Variants in ZNF385B observed in about 807,000 individuals in gnomAD.
ZNF385B encodes the protein zinc finger protein 533.
ZNF385B carries 23 observed loss-of-function variants against 39.2 expected under a neutral mutation model. That is an observed-to-expected ratio of 0.59 (90% CI 0.42 to 0.83). The LOEUF is 0.83. Ranked by LOEUF, ZNF385B falls within the 40% of genes least tolerant of loss-of-function variation. The pLI is 0.00. For missense variants in ZNF385B, 552 were observed against 598.9 expected, an observed-to-expected ratio of 0.92 and a Z score of 0.82; for synonymous variants, 205 against 222.6, an observed-to-expected ratio of 0.92 and a Z score of 0.70.
rs747336802 is a variant in ZNF385B at position 179,711,881 on chromosome 2, ATTT to A, written c.298+57619_298+57621del. On this transcript the variant is annotated intron_variant, in intron 3 of 9. Transcript: ENST00000410066. ...ACTGCAAAAATGCTATATAAACTGC[ATTT>A]TTTTTTTTTTTTTTTTTTTTTTTAC... 8.5e-3 allele frequency among the ~76,000 whole-genome samples: 775 copies of A among 90,882 alleles called. 11 individuals are homozygous for A. Among genetic ancestry groups the A allele is most frequent in the African/African-American group, 0.031 (708 of 22,696 alleles). The allele number at this position is 90,882 out of a possible 152,430, so 59.6% of individuals were successfully genotyped here.
intron 3 of ZNF385B, among the ~76,000 whole-genome samples, chr2:179,588,307 C>T (rs1055929879): frequency 6.6e-6 from 1 of 152,146 alleles, no homozygotes; most frequent in African/African-American, 2.4e-5. Flanking sequence ...CGAGCATGGT[C>T]TCAATCTCCT....
At chr2:179,577,795 T>C (rs1423654387) in intron 3 of ZNF385B, among the ~76,000 whole-genome samples, 1 of 15,758 alleles carries the variant, frequency 6.3e-5, no homozygotes, top group African/African-American at 1.6e-4. Flanking sequence ...GTTTGTGCTG[T>C]CTTTACTAAA....
chr2:179,543,977 C>T (rs2060077666), intron 4 of ZNF385B, among the ~76,000 whole-genome samples: 1 of 152,166 alleles, frequency 6.6e-6, no homozygotes, highest in South Asian at 2.1e-4. Flanking sequence ...ATTACAGCAG[C>T]ATTTACAATG....
intron 3 of ZNF385B, among the ~76,000 whole-genome samples, chr2:179,695,357 A>C (rs983478812): frequency 7.2e-5 from 11 of 152,162 alleles, no homozygotes; most frequent in African/African-American, 2.4e-4. Context: ...TCAAAACTAA[A>C]CAATGTTGTG....
intron 5 of ZNF385B, among the ~76,000 whole-genome samples, chr2:179,513,668 T>C (rs1240742812): frequency 2.6e-5 from 4 of 152,252 alleles, no homozygotes; most frequent in African/African-American, 9.6e-5. Flanking sequence ...CGGAGATGTT[T>C]ATATCCTATC....
chr2:179,723,777 C>T (rs1044259527), intron 3 of ZNF385B, among the ~76,000 whole-genome samples: 4 of 152,110 alleles, frequency 2.6e-5, no homozygotes, highest in East Asian at 1.9e-4. Context: ...TTCAAAGCTA[C>T]GTAAGTTTTT....
At chr2:179,839,949 G>A (rs140578581) in intron 1 of ZNF385B, among the ~76,000 whole-genome samples, 7 of 152,164 alleles carry the variant, frequency 4.6e-5, no homozygotes, top group African/African-American at 1.2e-4. Context: ...CCCATCTCCC[G>A]CCAACATTTC....
chr2:179,488,363 C>T (rs1459738382), intron 5 of ZNF385B, among the ~76,000 whole-genome samples: 1 of 152,204 alleles, frequency 6.6e-6, no homozygotes. Context: ...CCAGGCTGGT[C>T]TCTATCTCCT....
At chr2:179,630,988 T>C (rs1007136819) in intron 3 of ZNF385B, among the ~76,000 whole-genome samples, 1 of 152,164 alleles carries the variant, frequency 6.6e-6, no homozygotes. Flanking sequence ...TAAAAAGAAA[T>C]GAACAAAGCC....
chr2:179,599,166 A>G (rs1335504302), intron 3 of ZNF385B, among the ~76,000 whole-genome samples: 4 of 152,236 alleles, frequency 2.6e-5, no homozygotes, highest in African/African-American at 9.6e-5. Flanking sequence ...GCTTAGATAC[A>G]CCAAAGTTTC....
At chr2:179,851,909 C>T (rs1265609225) in intron 1 of ZNF385B, among the ~76,000 whole-genome samples, 5 of 152,196 alleles carry the variant, frequency 3.3e-5, no homozygotes. Flanking sequence ...GATCAGACTA[C>T]CTTTGACCCA....
intron 3 of ZNF385B, among the ~76,000 whole-genome samples, chr2:179,756,528 C>T (rs1181165787): frequency 1.3e-5 from 2 of 152,142 alleles, no homozygotes; most frequent in Non-Finnish European, 2.9e-5. Context: ...GTTGGCCTGC[C>T]TTGCTAGGTT....
At chr2:179,504,588 A>G (rs1329985577) in intron 5 of ZNF385B, among the ~76,000 whole-genome samples, 1 of 151,750 alleles carries the variant, frequency 6.6e-6, no homozygotes, top group East Asian at 1.9e-4. Flanking sequence ...GTGAGATGGT[A>G]TCTCATAGTG....
intron 6 of ZNF385B, among the ~76,000 whole-genome samples, chr2:179,478,409 A>G (rs529101887): frequency 1.3e-5 from 2 of 152,336 alleles, no homozygotes; most frequent in Non-Finnish European, 2.9e-5. Flanking sequence ...TGAACAAACA[A>G]TGGATACTAA....
chr2:179,829,700 A>C (rs1707874517), intron 1 of ZNF385B, among the ~76,000 whole-genome samples: 1 of 152,126 alleles, frequency 6.6e-6, no homozygotes, highest in South Asian at 2.1e-4. Context: ...TTTTTAGTAG[A>C]GACGGGGTTT....
intron 3 of ZNF385B, among the ~76,000 whole-genome samples, chr2:179,599,097 G>T (rs1688218379): frequency 6.6e-6 from 1 of 152,166 alleles, no homozygotes; most frequent in Non-Finnish European, 1.5e-5. Context: ...ATGATAGATT[G>T]CATATACAAT....
chr2:179,548,884 A>C (rs1371154711), intron 3 of ZNF385B, among the ~76,000 whole-genome samples: 1 of 149,546 alleles, frequency 6.7e-6, no homozygotes, highest in Non-Finnish European at 1.5e-5. Context: ...AATCAATTGT[A>C]GAACCATCAC....
intron 3 of ZNF385B, among the ~76,000 whole-genome samples, chr2:179,632,600 G>C (rs1347489825): frequency 6.6e-6 from 1 of 152,188 alleles, no homozygotes; most frequent in Non-Finnish European, 1.5e-5. Context: ...GAGAAGGCAG[G>C]AAAGATCTCA....
intron 6 of ZNF385B, among the ~76,000 whole-genome samples, chr2:179,456,455 T>C (rs1443630346): frequency 6.6e-6 from 1 of 152,186 alleles, no homozygotes; most frequent in African/African-American, 2.4e-5. Context: ...AGAATATTGT[T>C]TTGTAAGATT....
Sources: gnomAD v4.1 joint callset for allele counts (sites outside exome capture counted in the v4.1 genomes callset) on GRCh38, gnomAD v4.1.1 for gene constraint, MANE v1.5 for transcripts, NCBI Gene and HGNC (gene_info 2026-07-23, HGNC 2026-07-21) for gene names.